Variants in RAB27B observed in about 807,000 individuals in gnomAD.
RAB27B encodes the protein ras-related protein Rab-27B.
A neutral mutation model predicts 24.6 loss-of-function variants in RAB27B; 15 were observed. The observed-to-expected ratio is 0.61, with a 90% CI of 0.41 to 0.94. The LOEUF (loss-of-function observed/expected upper bound fraction) is 0.94, where lower values mean the gene tolerates loss of function less well. Ranked by LOEUF, RAB27B falls within the 40% of genes least tolerant of loss-of-function variation. The probability of loss-of-function intolerance (pLI) is 0.00; values close to 1 mark genes in which losing one functional copy is unlikely to be tolerated. For synonymous variants in RAB27B, 105 were observed against 92.5 expected (o/e 1.14, Z -0.78); for missense variants, 261 against 266.8 (o/e 0.98, Z 0.15).
chr18:54,884,551 T>G, intron 4 of RAB27B, 115 bp downstream of exon 4: 1 of 675,350 alleles, frequency 1.5e-6, no homozygotes, highest in Admixed American at 2.5e-5. Context: ...TTCAAAGTCA[T>G]GAGTTTAGTG....
At chr18:54,776,827 G>C (rs1908730948) in intron 2 of RAB27B, among the ~76,000 whole-genome samples, 5 of 152,122 alleles carry the variant, frequency 3.3e-5, no homozygotes, top group Admixed American at 2.0e-4. Context: ...GGGAGGCCAA[G>C]GCTGGTGAAT....
chr18:54,862,967 G>A (rs1912065805), intron 1 of RAB27B, among the ~76,000 whole-genome samples: 1 of 152,148 alleles, frequency 6.6e-6, no homozygotes, highest in Non-Finnish European at 1.5e-5. Flanking sequence ...TGGCTATTCT[G>A]TGTCCCTTTC....
At chr18:54,884,224 T>C (rs533128176) in intron 3 of RAB27B, 109 bp from the exon 4 acceptor site, 35 of 645,448 alleles carry the variant, frequency 5.4e-5, no homozygotes, top group Admixed American at 3.6e-4. Context: ...AGATATTCCA[T>C]AAGGGCCAGT....
At chr18:54,855,813 G>A (rs562132693) in intron 1 of RAB27B, among the ~76,000 whole-genome samples, 3 of 152,094 alleles carry the variant, frequency 2.0e-5, no homozygotes, top group African/African-American at 7.2e-5. Flanking sequence ...AACATACAAG[G>A]TACCTTTGAG....
intron 2 of RAB27B, among the ~76,000 whole-genome samples, chr18:54,726,971 A>C (rs1184869104): frequency 2.6e-5 from 4 of 152,140 alleles, no homozygotes; most frequent in African/African-American, 7.2e-5. Flanking sequence ...TTTTTAAAGA[A>C]AGAGTTTCTA....
In RAB27B at chr18:54,889,795, A is replaced by G. The variant is rs117100173; in HGVS notation, c.*382A>G. 166 of 156,188 alleles carry G rather than the reference A, an allele frequency of 1.1e-3. 1 individual carries two copies. Among genetic ancestry groups the G allele is most frequent in the Non-Finnish European group, 1.9e-3 (131 of 70,666 alleles). The allele number at this position is 156,188 out of a possible 1,614,324, so 9.7% of individuals were successfully genotyped here. On this transcript the variant is annotated 3_prime_UTR_variant, in exon 6 of 6. Coordinates refer to ENST00000262094, the MANE Select transcript of RAB27B (RefSeq NM_004163.4). ...CTAAAGGGAGAACACAGAAAGAAGA[A>G]TTTCTAAAATATTGGATTTACTTCT...
At chr18:54,822,145 G>GT (rs1412435016) in intron 2 of RAB27B, among the ~76,000 whole-genome samples, 1 of 152,102 alleles carries the variant, frequency 6.6e-6, no homozygotes, top group Non-Finnish European at 1.5e-5. Flanking sequence ...AAAAGAGATA[G>GT]TTATCTTAAC....
Position 54,818,858 on chromosome 18 carries a change from C to T in RAB27B, c.-19-58709C>T, listed in dbSNP as rs541939269. Among the ~76,000 whole-genome samples, 8 of 152,182 alleles carry T rather than the reference C, an allele frequency of 5.3e-5. No homozygotes were observed. In the East Asian group the frequency reaches 1.3e-3, roughly 26 times the overall value. ...TTTTAAAATAAATTCTCATAAAACT[C>T]ATCTCTTCTGTTAAGACTCACACCA... On this transcript the variant is annotated intron_variant, in intron 2 of 4. Transcript: ENST00000586570.
chr18:54,805,144 A>G (rs1182658679), intron 2 of RAB27B, among the ~76,000 whole-genome samples: 1 of 151,966 alleles, frequency 6.6e-6, no homozygotes, highest in Non-Finnish European at 1.5e-5. Flanking sequence ...GAGCCTCAGC[A>G]AAGCCTTTCC....
At chr18:54,805,510 A>G (rs184959745) in intron 2 of RAB27B, among the ~76,000 whole-genome samples, 11 of 152,348 alleles carry the variant, frequency 7.2e-5, no homozygotes, top group Middle Eastern at 3.4e-3. Flanking sequence ...GTTCACAACA[A>G]TAAATGGTGG....
At chr18:54,794,511 G>C (rs1389748060) in intron 2 of RAB27B, among the ~76,000 whole-genome samples, 1 of 152,166 alleles carries the variant, frequency 6.6e-6, no homozygotes, top group East Asian at 1.9e-4. Context: ...ATGAATTTCA[G>C]TTTTACATGT....
chr18:54,783,479 C>G (rs924771943), intron 2 of RAB27B, among the ~76,000 whole-genome samples: 2 of 109,326 alleles, frequency 1.8e-5, no homozygotes, highest in African/African-American at 8.1e-5. Flanking sequence ...AAGCCTATGG[C>G]TTTGTGTGTG....
chr18:54,878,853 G>A (rs756942547), intron 2 of RAB27B, among the ~76,000 whole-genome samples: 2 of 152,126 alleles, frequency 1.3e-5, no homozygotes, highest in African/African-American at 2.4e-5. Flanking sequence ...GAGAAAGTCT[G>A]TGCATATTTC....
intron 3 of RAB27B, 92 bp downstream of exon 3, chr18:54,879,546 T>C: frequency 1.0e-6 from 1 of 1,000,230 alleles, no homozygotes; most frequent in Non-Finnish European, 1.6e-6. Flanking sequence ...AAACAAATAA[T>C]ATTCAACTCT....
intron 1 of RAB27B, among the ~76,000 whole-genome samples, chr18:54,870,110 A>G (rs1266567348): frequency 1.3e-5 from 2 of 152,204 alleles, no homozygotes; most frequent in African/African-American, 4.8e-5. Context: ...TTTACGTTCT[A>G]TGAAGTTAAT....
At chr18:54,837,661 C>A (rs897999905) in intron 1 of RAB27B, among the ~76,000 whole-genome samples, 2 of 151,880 alleles carry the variant, frequency 1.3e-5, no homozygotes, top group African/African-American at 4.8e-5. Flanking sequence ...GGTGGAGTAA[C>A]CATAAGAGAG....
At chr18:54,834,372 T>C (rs1910810725) in intron 1 of RAB27B, among the ~76,000 whole-genome samples, 1 of 152,144 alleles carries the variant, frequency 6.6e-6, no homozygotes, top group African/African-American at 2.4e-5. Flanking sequence ...CAAATATTGC[T>C]AGTGTTGAGT....
At chr18:54,769,322 C>T (rs1908466600) in intron 2 of RAB27B, among the ~76,000 whole-genome samples, 1 of 152,168 alleles carries the variant, frequency 6.6e-6, no homozygotes, top group Non-Finnish European at 1.5e-5. Flanking sequence ...TCACCTCTGT[C>T]TGGGGCAGTC....
At chr18:54,797,996 C>T (rs1357387955) in intron 2 of RAB27B, among the ~76,000 whole-genome samples, 4 of 152,002 alleles carry the variant, frequency 2.6e-5, no homozygotes, top group Admixed American at 1.3e-4. Flanking sequence ...TTAATTGATT[C>T]GGATAAGTTG....
Sources: gnomAD v4.1 joint callset for allele counts (sites outside exome capture counted in the v4.1 genomes callset) on GRCh38, gnomAD v4.1.1 for gene constraint, MANE v1.5 for transcripts, NCBI Gene and HGNC (gene_info 2026-07-23, HGNC 2026-07-21) for gene names.